COL5A2: variants seen among roughly 807,000 people sequenced by gnomAD.
COL5A2 encodes collagen alpha-2(V) chain.
A neutral mutation model predicts 208.2 loss-of-function variants in COL5A2; 23 were observed. The ratio of observed to expected loss-of-function variants is 0.11; its 90% confidence interval spans 0.08 to 0.16. The LOEUF (loss-of-function observed/expected upper bound fraction) is 0.16. COL5A2 is among the 10% of genes least tolerant of loss of function. The probability of loss-of-function intolerance (pLI) is 1.00; values close to 1 mark genes in which losing one functional copy is unlikely to be tolerated. For synonymous variants in COL5A2, 625 were observed against 628.5 expected, an observed-to-expected ratio of 0.99 and a Z score of 0.08; for missense variants, 1,590 against 1,956.4, an observed-to-expected ratio of 0.81 and a Z score of 3.53.
intron 31 of COL5A2, among the ~76,000 whole-genome samples, chr2:189,060,173 G>A (rs1276580800): frequency 6.6e-6 from 1 of 151,820 alleles, no homozygotes; most frequent in East Asian, 1.9e-4. Context: ...CATCTTTTTT[G>A]TTTCCATAAA....
intron 52 of COL5A2, 118 bp downstream of exon 52, chr2:189,036,498 A>G (rs1228762271): frequency 3.7e-6 from 3 of 820,872 alleles, no homozygotes; most frequent in Non-Finnish European, 5.7e-6. Context: ...ATCACTTCAA[A>G]ATAAACATGG....
the COL5A2 span, among the ~76,000 whole-genome samples, chr2:189,428,262 T>C: frequency 6.6e-6 from 1 of 152,152 alleles, no homozygotes; most frequent in Admixed American, 6.5e-5. Context: ...TGGTTTCTCA[T>C]GAATTATTTA....
chr2:189,329,573 T>C, the COL5A2 span, among the ~76,000 whole-genome samples: 1 of 151,456 alleles, frequency 6.6e-6, no homozygotes, highest in East Asian at 1.9e-4. Flanking sequence ...TCAAAACATG[T>C]TGTATAGCAT....
intron 1 of COL5A2, among the ~76,000 whole-genome samples, chr2:189,139,547 G>A (rs1013854346): frequency 1.3e-5 from 2 of 152,036 alleles, no homozygotes; most frequent in Non-Finnish European, 2.9e-5. Flanking sequence ...ATGTAATATG[G>A]GATCCTGTGA....
chr2:189,155,292 G>A (rs1324879621), intron 1 of COL5A2, among the ~76,000 whole-genome samples: 1 of 152,042 alleles, frequency 6.6e-6, no homozygotes, highest in Admixed American at 6.6e-5. Context: ...TAGGCCTTTG[G>A]GAGATTTTAA....
chr2:189,353,302 G>T, the COL5A2 span, among the ~76,000 whole-genome samples: 2 of 152,096 alleles, frequency 1.3e-5, no homozygotes, highest in African/African-American at 4.8e-5. Context: ...GAAATTTAAA[G>T]TAATTTTTTT....
At chr2:189,348,973 A>T in the COL5A2 span, among the ~76,000 whole-genome samples, 2 of 152,242 alleles carry the variant, frequency 1.3e-5, no homozygotes, top group Admixed American at 1.3e-4. Context: ...TTTTAAAGAC[A>T]AGAAAACCAA....
chr2:189,157,920 C>A (rs1371786824), intron 1 of COL5A2, among the ~76,000 whole-genome samples: 1 of 151,896 alleles, frequency 6.6e-6, no homozygotes, highest in Non-Finnish European at 1.5e-5. Flanking sequence ...ACTAAATTTT[C>A]AAAACATTCC....
intron 29 of COL5A2, among the ~76,000 whole-genome samples, chr2:189,062,015 G>T (rs1686041998): frequency 6.6e-6 from 1 of 151,948 alleles, no homozygotes; most frequent in African/African-American, 2.4e-5. Flanking sequence ...AAAACAGAAT[G>T]ACTAAAGAAA....
chr2:189,253,304 A>G, the COL5A2 span, among the ~76,000 whole-genome samples: 2 of 152,206 alleles, frequency 1.3e-5, no homozygotes, highest in African/African-American at 2.4e-5. Flanking sequence ...TTGCCCAATT[A>G]CTAGTTTATG....
At chr2:189,133,183 C>T (rs1687755906) in intron 1 of COL5A2, 1 of 132,698 alleles carries the variant, frequency 7.5e-6, no homozygotes, top group Admixed American at 8.7e-5. Context: ...TGCAGTGGCG[C>T]AATCTCGGCT....
At chr2:189,338,657 A>G in the COL5A2 span, among the ~76,000 whole-genome samples, 3 of 148,852 alleles carry the variant, frequency 2.0e-5, no homozygotes, top group African/African-American at 7.4e-5. Context: ...AGAAGGTATA[A>G]TATTATAAAA....
chr2:189,417,949 T>C, the COL5A2 span, among the ~76,000 whole-genome samples: 8 of 152,154 alleles, frequency 5.3e-5, no homozygotes, highest in Admixed American at 1.3e-4. Context: ...GGAATGCAGA[T>C]ACCTCTTCAA....
At chr2:189,065,710 C>T (rs542606719) in intron 23 of COL5A2, among the ~76,000 whole-genome samples, 1 of 152,288 alleles carries the variant, frequency 6.6e-6, no homozygotes, top group South Asian at 2.1e-4. Context: ...TTCTCCAAAG[C>T]TCTAGATAAA....
intron 13 of COL5A2, among the ~76,000 whole-genome samples, chr2:189,080,420 C>T (rs532513003): frequency 7.9e-5 from 12 of 152,122 alleles, no homozygotes; most frequent in African/African-American, 2.9e-4. Context: ...TAGCAGCAGA[C>T]ATCTTAATCA....
chr2:189,402,202 TTTG>T, the COL5A2 span, among the ~76,000 whole-genome samples: 9 of 152,096 alleles, frequency 5.9e-5, no homozygotes, highest in Admixed American at 5.9e-4. Context: ...GTTTTAGGTT[TTTG>T]TTGTTGTCGT....
At chr2:189,358,851 CT>C in the COL5A2 span, among the ~76,000 whole-genome samples, 1 of 144,104 alleles carries the variant, frequency 6.9e-6, no homozygotes, top group Non-Finnish European at 1.6e-5. Flanking sequence ...TGATTGCCTT[CT>C]TGATTTTTTT....
In COL5A2 at chr2:189,134,670, A is replaced by C. The variant is rs574621710; in HGVS notation, c.98-24221T>G. Among the ~76,000 whole-genome samples the C allele has an allele frequency of 2.6e-5, 4 of 152,338 alleles. No individual in the cohort carries two copies. In the East Asian group the frequency reaches 7.7e-4, roughly 29 times the overall value. Reference sequence around the variant, plus strand: ...AAATTGATGAACTCATAGAATAAAAAAATCCTACATGAAAATGCCTTCCTG... The same window carrying C: ...AAATTGATGAACTCATAGAATAAAACAATCCTACATGAAAATGCCTTCCTG... On this transcript the variant is annotated intron_variant, in intron 1 of 53. Transcript: ENST00000374866.
At chr2:189,155,208 G>A (rs1474986850) in intron 1 of COL5A2, among the ~76,000 whole-genome samples, 2 of 152,020 alleles carry the variant, frequency 1.3e-5, no homozygotes, top group Non-Finnish European at 2.9e-5. Context: ...GGCTGGTCTC[G>A]AACTCCTGGA....
Sources: gnomAD v4.1 joint callset for allele counts (sites outside exome capture counted in the v4.1 genomes callset) on GRCh38, gnomAD v4.1.1 for gene constraint, MANE v1.5 for transcripts, NCBI Gene and HGNC (gene_info 2026-07-23, HGNC 2026-07-21) for gene names.